Variants in MYO16 observed in about 807,000 individuals in gnomAD.
The protein encoded by MYO16 is myosin XVI.
MYO16 carries 94 observed loss-of-function variants against 205.3 expected under a neutral mutation model. The ratio of observed to expected loss-of-function variants is 0.46; its 90% confidence interval spans 0.39 to 0.54. MYO16 has a LOEUF of 0.54. Among genes scored for constraint, MYO16 ranks in the 20% least tolerant of loss-of-function variants. The probability of loss-of-function intolerance (pLI) is 0.00; values close to 1 mark genes in which losing one functional copy is unlikely to be tolerated. For missense variants in MYO16, 2,315 were observed against 2,387.5 expected (o/e 0.97, Z 0.63); for synonymous variants, 988 against 954.0 (o/e 1.04, Z -0.66).
chr13:108,694,971 G>A (rs544792170), intron 2 of MYO16, among the ~76,000 whole-genome samples: 1 of 152,222 alleles, frequency 6.6e-6, no homozygotes, highest in Non-Finnish European at 1.5e-5. Context: ...AATTAGCCGG[G>A]TGTGGTGGCA....
chr13:108,964,752 C>G lies in MYO16; in HGVS notation c.2228-9C>G. 1 of 1,612,780 alleles carries G rather than the reference C, an allele frequency of 6.2e-7. No homozygotes were observed. The highest frequency in any genetic ancestry group is 8.5e-7 in the Non-Finnish European group (1 of 1,179,386). ...GTGCTCACTCCTCCTTTTCTTTCTA[C>G]CATTTTAGGGGATATGATAATACGA... On this transcript the variant is annotated splice_polypyrimidine_tract_variant and intron_variant, in intron 19 of 34. Coordinates refer to ENST00000457511, the MANE Select transcript of MYO16 (RefSeq NM_001198950.3).
chr13:108,826,993 A>C (rs906782532), intron 9 of MYO16, among the ~76,000 whole-genome samples: 2 of 152,174 alleles, frequency 1.3e-5, no homozygotes, highest in Admixed American at 1.3e-4. Context: ...AAACAGTTGA[A>C]CGTAGGTTTA....
At chr13:108,640,780 C>A (rs531989112) in intron 1 of MYO16, among the ~76,000 whole-genome samples, 4 of 152,080 alleles carry the variant, frequency 2.6e-5, no homozygotes, top group Non-Finnish European at 5.9e-5. Flanking sequence ...ACTGGGATAA[C>A]GGTAACGACA....
At chr13:109,105,313 A>G (rs1286619485) in intron 28 of MYO16, among the ~76,000 whole-genome samples, 1 of 152,200 alleles carries the variant, frequency 6.6e-6, no homozygotes, top group Non-Finnish European at 1.5e-5. Flanking sequence ...TCTACTAAAA[A>G]TACAAAAAAA....
At chr13:108,529,070 G>A in the MYO16 span, among the ~76,000 whole-genome samples, 1 of 152,008 alleles carries the variant, frequency 6.6e-6, no homozygotes, top group Non-Finnish European at 1.5e-5. Flanking sequence ...CCTCCAGAAA[G>A]ACTTTCTTAC....
intron 1 of MYO16, among the ~76,000 whole-genome samples, chr13:108,649,496 T>C (rs1880905091): frequency 6.6e-6 from 1 of 152,142 alleles, no homozygotes; most frequent in African/African-American, 2.4e-5. Flanking sequence ...AGATGGTTAA[T>C]GAAAATGGCA....
At chr13:108,908,070 G>GA (rs891519050) in intron 15 of MYO16, among the ~76,000 whole-genome samples, 2 of 151,972 alleles carry the variant, frequency 1.3e-5, no homozygotes, top group Non-Finnish European at 2.9e-5. Context: ...GGGGAAAAAA[G>GA]AAAAAAATAT....
At chr13:109,203,725 GAT>G (rs1208112695) in intron 34 of MYO16, among the ~76,000 whole-genome samples, 1 of 152,178 alleles carries the variant, frequency 6.6e-6, no homozygotes, top group African/African-American at 2.4e-5. Flanking sequence ...AATGTTTTAA[GAT>G]GAGACTGGTC....
chr13:108,535,236 A>G, the MYO16 span, among the ~76,000 whole-genome samples: 1 of 152,160 alleles, frequency 6.6e-6, no homozygotes, highest in Non-Finnish European at 1.5e-5. Context: ...TCTCAGTTCT[A>G]TTCACTTGTA....
intron 9 of MYO16, among the ~76,000 whole-genome samples, chr13:108,833,799 T>C (rs550178861): frequency 2.0e-5 from 3 of 152,278 alleles, no homozygotes; most frequent in African/African-American, 7.2e-5. Flanking sequence ...TGTCTGCTGG[T>C]ATATTCTCAT....
At chr13:108,855,218 A>C in intron 10 of MYO16, 1 of 374,524 alleles carries the variant, frequency 2.7e-6, no homozygotes. Context: ...GTGCACCTGC[A>C]CACTGGGGAG....
At chr13:108,526,781 T>C in the MYO16 span, among the ~76,000 whole-genome samples, 3 of 152,242 alleles carry the variant, frequency 2.0e-5, no homozygotes, top group East Asian at 5.8e-4. Flanking sequence ...AATATTCTGT[T>C]ATTTCTGCCT....
At chr13:109,124,503 C>A (rs1305645982) in intron 29 of MYO16, among the ~76,000 whole-genome samples, 1 of 152,012 alleles carries the variant, frequency 6.6e-6, no homozygotes, top group African/African-American at 2.4e-5. Flanking sequence ...ATTTTTAATT[C>A]TTGTATTTGT....
At chr13:108,741,236 G>T (rs892523830) in intron 4 of MYO16, among the ~76,000 whole-genome samples, 1 of 152,208 alleles carries the variant, frequency 6.6e-6, no homozygotes, top group Admixed American at 6.5e-5. Context: ...CACGCTGGGA[G>T]CTGTAGACTG....
chr13:108,505,237 G>A, the MYO16 span, among the ~76,000 whole-genome samples: 2 of 152,174 alleles, frequency 1.3e-5, no homozygotes. Flanking sequence ...CCCCTAAACT[G>A]TTTTCCATAG....
At chr13:109,028,028 TA>T (rs1407048325) in intron 23 of MYO16, among the ~76,000 whole-genome samples, 1 of 152,118 alleles carries the variant, frequency 6.6e-6, no homozygotes, top group Admixed American at 6.6e-5. Flanking sequence ...GTGCTCACAT[TA>T]TATAAAGTAA....
At chr13:109,139,598 G>C (rs908128176) in intron 31 of MYO16, among the ~76,000 whole-genome samples, 1 of 152,240 alleles carries the variant, frequency 6.6e-6, no homozygotes, top group Non-Finnish European at 1.5e-5. Flanking sequence ...AGCTTCTGCA[G>C]ACTTGCGTCT....
intron 2 of MYO16, among the ~76,000 whole-genome samples, chr13:108,676,112 C>T (rs969424216): frequency 3.9e-5 from 6 of 152,040 alleles, no homozygotes; most frequent in African/African-American, 7.2e-5. Context: ...AATCAGTGAT[C>T]GTCACCGTGA....
intron 11 of MYO16, among the ~76,000 whole-genome samples, chr13:108,862,120 T>C (rs1878475485): frequency 6.6e-6 from 1 of 152,164 alleles, no homozygotes; most frequent in South Asian, 2.1e-4. Context: ...TAATTTAGAA[T>C]GTTGAAATCT....
Sources: gnomAD v4.1 joint callset for allele counts (sites outside exome capture counted in the v4.1 genomes callset) on GRCh38, gnomAD v4.1.1 for gene constraint, MANE v1.5 for transcripts, NCBI Gene and HGNC (gene_info 2026-07-23, HGNC 2026-07-21) for gene names.